KCNK10: variants seen among roughly 807,000 people sequenced by gnomAD.
KCNK10 encodes the protein potassium channel subfamily K member 10.
KCNK10 carries 25 observed loss-of-function variants against 47.7 expected under a neutral mutation model. The observed-to-expected ratio is 0.52, with a 90% CI of 0.38 to 0.73. The LOEUF is 0.73. KCNK10 is among the 30% of genes least tolerant of loss of function. The pLI is 0.00. For missense variants in KCNK10, 563 were observed against 714.5 expected (o/e 0.79, Z 2.42); for synonymous variants, 303 against 285.6 (o/e 1.06, Z -0.61).
Position 88,323,158 on chromosome 14 carries a change from G to T in KCNK10, c.-360C>A. 6 of 1,125,262 alleles carry T rather than the reference G, an allele frequency of 5.3e-6. No individual in the cohort carries two copies. The highest frequency in any genetic ancestry group is 6.6e-6 in the Non-Finnish European group (6 of 912,810). 69.7% of individuals were successfully genotyped at this position (1,125,262 alleles called of 1,614,324 possible). A position where few individuals can be genotyped will look rare whatever the true frequency, so the allele number is the denominator to read the frequency against. Reference sequence around the variant, plus strand: ...CGGCAGGTTAGGGGCTGCGCAGCCTGAAGGCTGGGGCTACGGAGAAGCCCA... The same window carrying T: ...CGGCAGGTTAGGGGCTGCGCAGCCTTAAGGCTGGGGCTACGGAGAAGCCCA... On this transcript the variant is annotated 5_prime_UTR_variant, in exon 1 of 7. Coordinates refer to ENST00000319231, the MANE Select transcript of KCNK10 (RefSeq NM_138317.3).
Position 88,186,010 on chromosome 14 carries a change from C to T in KCNK10, c.1157G>A (p.Gly386Asp). 1 of 1,613,420 alleles carries T rather than the reference C, an allele frequency of 6.2e-7. No homozygotes were observed. Residue 386 changes from glycine (G) to aspartate (D), a missense_variant, in exon 7 of 7, where the codon GGC (glycine) becomes GAC (aspartate). Transcript: ENST00000319231. The surrounding 1 kb of genome is among the most constrained non-coding windows in gnomAD (Gnocchi z 5.5). ...CAGTGAGTGGGCCCGCTGGTCCAGG[C>T]CCAGCCGCCGGCGCTCCATGCTGCG... Reference protein sequence around the residue: ...TIRSMERRRLGLDQRAHSLDM... With the variant: ...TIRSMERRRLDLDQRAHSLDM...
intron 2 of KCNK10, among the ~76,000 whole-genome samples, chr14:88,247,976 G>A (rs1886690719): frequency 6.6e-6 from 1 of 152,162 alleles, no homozygotes; most frequent in Admixed American, 6.5e-5. Context: ...AGGAATCAGG[G>A]ATAGATGTGT....
At chr14:88,245,463 A>AC (rs993470255) in intron 2 of KCNK10, among the ~76,000 whole-genome samples, 3 of 151,920 alleles carry the variant, frequency 2.0e-5, no homozygotes, top group Non-Finnish European at 4.4e-5. Flanking sequence ...CCCTCACAGG[A>AC]CCCCCCACCA....
chr14:88,229,057 A>G (rs1488063091), intron 3 of KCNK10, among the ~76,000 whole-genome samples: 4 of 152,226 alleles, frequency 2.6e-5, no homozygotes, highest in Non-Finnish European at 4.4e-5. Flanking sequence ...TCTTGGAAAC[A>G]TTCAAGTAAC....
At chr14:88,268,400 A>C (rs987816032) in intron 1 of KCNK10, among the ~76,000 whole-genome samples, 6 of 152,210 alleles carry the variant, frequency 3.9e-5, no homozygotes, top group Non-Finnish European at 8.8e-5. Flanking sequence ...GCGCATGCTC[A>C]TGCCCAACAC....
At chr14:88,252,383 T>C (rs1886827090) in intron 2 of KCNK10, among the ~76,000 whole-genome samples, 1 of 152,154 alleles carries the variant, frequency 6.6e-6, no homozygotes, top group South Asian at 2.1e-4. Flanking sequence ...TCAACAAGTT[T>C]GTTGAATGAA....
chr14:88,287,677 GTGTGT>G (rs1566715203), intron 1 of KCNK10, among the ~76,000 whole-genome samples: 11,126 of 36,816 alleles, frequency 0.3, 592 homozygotes, highest in Non-Finnish European at 0.32. Flanking sequence ...ATTCCATGGT[GTGTGT>G]GTGTGTGTGT....
intron 6 of KCNK10, among the ~76,000 whole-genome samples, chr14:88,187,278 TC>T: frequency 6.6e-6 from 1 of 150,566 alleles, no homozygotes; most frequent in East Asian, 2.0e-4. Context: ...TCCCTTCCTT[TC>T]TTTTAGCTCT....
intron 3 of KCNK10, among the ~76,000 whole-genome samples, chr14:88,239,866 T>G (rs1886401986): frequency 2.3e-5 from 1 of 43,670 alleles, no homozygotes; most frequent in Admixed American, 2.3e-4. Context: ...TCTCAAAAAA[T>G]AAAATAAAAT....
At chr14:88,246,808 C>T (rs528767613) in intron 2 of KCNK10, among the ~76,000 whole-genome samples, 1 of 152,354 alleles carries the variant, frequency 6.6e-6, no homozygotes, top group Admixed American at 6.5e-5. Context: ...CCTTGATTTC[C>T]TCATCTATAA....
At chr14:88,243,820 C>T (rs1255154538) in intron 2 of KCNK10, among the ~76,000 whole-genome samples, 3 of 150,338 alleles carry the variant, frequency 2.0e-5, no homozygotes, top group South Asian at 2.1e-4. Context: ...ATTCAGGCTC[C>T]GTAGCGGCAA....
rs1353376885 is a variant in KCNK10, at chr14:88,291,951, C to T, written c.53-28400G>A. Among the ~76,000 whole-genome samples, 2 of 152,118 alleles carry T rather than the reference C, an allele frequency of 1.3e-5. 1 individual carries two copies. Among genetic ancestry groups the T allele is most frequent in the East Asian group, 3.9e-4 (2 of 5,194 alleles). ...GTCCATCCACTTGAGAAAAAAAGTTCAGGGTACACTCAAGGCAGAAGCTGA... is the reference window on the plus strand; with the variant it reads ...GTCCATCCACTTGAGAAAAAAAGTTTAGGGTACACTCAAGGCAGAAGCTGA... On this transcript the variant is annotated intron_variant, in intron 1 of 6. Transcript: ENST00000319231.
rs1887079333 is a variant in KCNK10 at position 88,260,450 on chromosome 14, G to C, written c.402+2752C>G. Among the ~76,000 whole-genome samples the C allele has an allele frequency of 6.6e-6, 1 of 152,170 alleles. No individual in the cohort carries two copies. ...TTTATAAATTGCTTAGTCTCAGATA[G>C]TTCTTTATAGTGAGAATGGACTAAT... On this transcript the variant is annotated intron_variant, in intron 2 of 6. Coordinates refer to ENST00000319231, the MANE Select transcript of KCNK10 (RefSeq NM_138317.3). This position sits in a 1 kb window ranked among gnomAD's most constrained non-coding sequence, Gnocchi z 4.5.
intron 1 of KCNK10, among the ~76,000 whole-genome samples, chr14:88,293,829 C>T (rs142134393): frequency 1.0e-3 from 154 of 152,046 alleles, no homozygotes; most frequent in African/African-American, 3.6e-3. Context: ...GCATGCACCA[C>T]CACACTTGGC....
chr14:88,301,286 CATT>C (rs1188965251), intron 1 of KCNK10, among the ~76,000 whole-genome samples: 6 of 152,124 alleles, frequency 3.9e-5, no homozygotes, highest in African/African-American at 1.4e-4. Context: ...TCATCATCAT[CATT>C]ATCATTATCT....
chr14:88,208,818 C>T (rs1421316440), intron 4 of KCNK10, among the ~76,000 whole-genome samples: 1 of 152,150 alleles, frequency 6.6e-6, no homozygotes, highest in Non-Finnish European at 1.5e-5. Context: ...TGAGAAGGGA[C>T]AGTCCTGACA....
intron 4 of KCNK10, among the ~76,000 whole-genome samples, chr14:88,226,652 G>A (rs748621653): frequency 3.3e-5 from 5 of 152,086 alleles, no homozygotes; most frequent in Admixed American, 6.5e-5. Flanking sequence ...TGGGAACCCC[G>A]GTTTAATCAC....
intron 4 of KCNK10, among the ~76,000 whole-genome samples, chr14:88,198,133 A>G (rs1203649660): frequency 6.6e-6 from 1 of 152,236 alleles, no homozygotes; most frequent in African/African-American, 2.4e-5. Context: ...AAAGCATGCC[A>G]ACTGTAATGG....
intron 1 of KCNK10, among the ~76,000 whole-genome samples, chr14:88,296,388 T>C (rs1366339026): frequency 6.6e-6 from 1 of 152,206 alleles, no homozygotes; most frequent in Non-Finnish European, 1.5e-5. Flanking sequence ...TGTAGAATTG[T>C]TATCATTTAA....
Sources: gnomAD v4.1 joint callset for allele counts (sites outside exome capture counted in the v4.1 genomes callset) on GRCh38, gnomAD v4.1.1 for gene constraint, Gnocchi (gnomAD v3.1) non-coding constraint, MANE v1.5 for transcripts, NCBI Gene and HGNC (gene_info 2026-07-23, HGNC 2026-07-21) for gene names.